Variants in GSAP observed in about 807,000 individuals in gnomAD.
The protein encoded by GSAP is gamma-secretase-activating protein.
A neutral mutation model predicts 131.7 loss-of-function variants in GSAP; 118 were observed. The ratio of observed to expected loss-of-function variants is 0.90; its 90% CI spans 0.77 to 1.04. The LOEUF (loss-of-function observed/expected upper bound fraction) is 1.04, where lower values mean the gene tolerates loss of function less well. GSAP is among the 50% of genes least tolerant of loss of function. The pLI is 0.00. For missense variants in GSAP, 1,019 were observed against 1,013.2 expected, an observed-to-expected ratio of 1.01 and a Z score of -0.08; for synonymous variants, 381 against 363.4, an observed-to-expected ratio of 1.05 and a Z score of -0.55.
rs148572375 is a variant in GSAP at position 77,327,730 on chromosome 7, C to T, written c.1765+876G>A. ...GCCTGAATATGCTCAGCATTCCCCT[C>T]CCCTGGTTTCACTTGGCCAAGTCCC... On this transcript the variant is annotated intron_variant, in intron 22 of 30. Transcript: ENST00000257626. 5.9e-3 allele frequency among the ~76,000 whole-genome samples: 902 copies of T among 152,236 alleles called. 13 individuals carry two copies. The highest frequency in any genetic ancestry group is 0.039 in the Admixed American group (599 of 15,292).
chr7:77,378,945 TC>T (rs1466852011), intron 8 of GSAP, among the ~76,000 whole-genome samples: 1 of 152,078 alleles, frequency 6.6e-6, no homozygotes, highest in African/African-American at 2.4e-5. Flanking sequence ...CCCTCCCTAA[TC>T]CTAATAGGGA....
intron 5 of GSAP, among the ~76,000 whole-genome samples, chr7:77,388,336 G>A (rs1563093405): frequency 6.6e-6 from 1 of 152,214 alleles, no homozygotes; most frequent in Non-Finnish European, 1.5e-5. Flanking sequence ...AAAATAAAAA[G>A]ATTTCTGATA....
intron 19 of GSAP, among the ~76,000 whole-genome samples, chr7:77,345,220 A>G (rs1203459720): frequency 6.6e-6 from 1 of 152,166 alleles, no homozygotes; most frequent in Non-Finnish European, 1.5e-5. Flanking sequence ...CAATCATTCT[A>G]TACGACAAAT....
intron 28 of GSAP, among the ~76,000 whole-genome samples, 193 bp from the exon 29 acceptor site, chr7:77,312,395 A>G (rs1467112268): frequency 6.6e-6 from 1 of 152,194 alleles, no homozygotes; most frequent in Non-Finnish European, 1.5e-5. Flanking sequence ...TACTCTCTCA[A>G]ACGCTACATT....
chr7:77,392,934 C>T (rs1036521356), intron 5 of GSAP, among the ~76,000 whole-genome samples: 3 of 152,130 alleles, frequency 2.0e-5, no homozygotes, highest in Non-Finnish European at 4.4e-5. Context: ...TCTGCTGTGA[C>T]TTGTGGCAAA....
chr7:77,374,312 T>C (rs942016609), intron 11 of GSAP, among the ~76,000 whole-genome samples, 157 bp from the exon 12 acceptor site: 1 of 152,186 alleles, frequency 6.6e-6, no homozygotes, highest in African/African-American at 2.4e-5. Context: ...AATTCTGTAG[T>C]TTTTTCAAAA....
At chr7:77,410,243 A>G (rs369705973) in intron 1 of GSAP, among the ~76,000 whole-genome samples, 1 of 152,240 alleles carries the variant, frequency 6.6e-6, no homozygotes. Context: ...AGTTAAGTAC[A>G]CAGTTCACAT....
chr7:77,347,218 T>C (rs184538293), intron 19 of GSAP, among the ~76,000 whole-genome samples: 1 of 152,248 alleles, frequency 6.6e-6, no homozygotes, highest in African/African-American at 2.4e-5. Flanking sequence ...GTAAACATGT[T>C]TCCCTGAGTT....
At chr7:77,411,426 C>T (rs541640898) in intron 1 of GSAP, among the ~76,000 whole-genome samples, 21 of 152,256 alleles carry the variant, frequency 1.4e-4, no homozygotes, top group African/African-American at 2.6e-4. Flanking sequence ...GGATTAAGCA[C>T]GGGATACAAA....
At chr7:77,382,403 G>A (rs1448226751) in intron 7 of GSAP, among the ~76,000 whole-genome samples, 171 bp downstream of exon 7, 1 of 152,102 alleles carries the variant, frequency 6.6e-6, no homozygotes, top group Non-Finnish European at 1.5e-5. Flanking sequence ...ACACCACTTG[G>A]GGGCCAAAGG....
At chr7:77,354,258 C>T (rs1584445078) in intron 16 of GSAP, among the ~76,000 whole-genome samples, 1 of 152,298 alleles carries the variant, frequency 6.6e-6, no homozygotes, top group South Asian at 2.1e-4. Context: ...TAATTCAAAA[C>T]CGATTTATGT....
rs533812964 is a variant in GSAP, at chr7:77,312,236, C to T, written c.2272-34G>A. 1.5e-3 allele frequency: 1,134 copies of T among 772,886 alleles called. 22 individuals carry two copies. The South Asian group carries it at 0.022, about 15-fold the overall frequency. The allele number at this position is 772,886 out of a possible 1,614,324, so 47.9% of individuals were successfully genotyped here. The stretch of plus-strand genomic sequence containing the variant: ...CAAATTGAAAAAAATGTAGCGAATA[C>T]CACACACTATATTAAGTAAACACAC... On this transcript the variant is annotated intron_variant, in intron 28 of 30. Coordinates refer to ENST00000257626, the MANE Select transcript of GSAP (RefSeq NM_017439.4).
At chr7:77,360,798 G>A (rs1170111353) in intron 14 of GSAP, 26 bp downstream of exon 14, 3 of 1,207,762 alleles carry the variant, frequency 2.5e-6, no homozygotes, top group Non-Finnish European at 3.7e-6. Context: ...GTTCAGAGCA[G>A]GGGGTGTGAT....
intron 9 of GSAP, 142 bp from the exon 10 acceptor site, chr7:77,377,049 G>C: frequency 1.5e-6 from 1 of 665,834 alleles, no homozygotes; most frequent in Non-Finnish European, 2.5e-6. Flanking sequence ...AAATCAAATT[G>C]TTCTTATAAA....
intron 26 of GSAP, chr7:77,316,427 G>A (rs1794973398): frequency 6.7e-6 from 1 of 149,394 alleles, no homozygotes; most frequent in African/African-American, 2.4e-5. Flanking sequence ...GTAACATCAA[G>A]GGTCAGATGA....
chr7:77,348,160 C>T (rs1006750282), intron 19 of GSAP, among the ~76,000 whole-genome samples: 2 of 151,916 alleles, frequency 1.3e-5, no homozygotes, highest in East Asian at 3.9e-4. Flanking sequence ...CAAAGAGAGA[C>T]CCCATCTCTA....
chr7:77,360,788 G>A (rs1242609821), intron 14 of GSAP, 36 bp downstream of exon 14: 1 of 1,104,590 alleles, frequency 9.1e-7, no homozygotes, highest in African/African-American at 1.6e-5. Flanking sequence ...AGGAACAAGT[G>A]TTCAGAGCAG....
intron 2 of GSAP, among the ~76,000 whole-genome samples, chr7:77,405,524 T>C (rs1802105995): frequency 6.6e-6 from 1 of 150,552 alleles, no homozygotes; most frequent in African/African-American, 2.5e-5. Flanking sequence ...TGAAGAAACA[T>C]TTAATATTTA....
intron 3 of GSAP, among the ~76,000 whole-genome samples, chr7:77,402,327 A>G (rs1170895192): frequency 4.7e-5 from 7 of 149,714 alleles, no homozygotes; most frequent in African/African-American, 1.7e-4. Context: ...CAGGCAGATC[A>G]CGAGGTCAAG....
Sources: gnomAD v4.1 joint callset for allele counts (sites outside exome capture counted in the v4.1 genomes callset) on GRCh38, gnomAD v4.1.1 for gene constraint, MANE v1.5 for transcripts, NCBI Gene and HGNC (gene_info 2026-07-23, HGNC 2026-07-21) for gene names.